SHOC1: variants seen among roughly 807,000 people sequenced by gnomAD.
SHOC1 encodes the protein shortage in chiasmata 1.
A neutral mutation model predicts 179.2 loss-of-function variants in SHOC1; 136 were observed. The observed-to-expected ratio is 0.76, with a 90% CI of 0.66 to 0.87. SHOC1 has a LOEUF of 0.87. Among genes scored for constraint, SHOC1 ranks in the 40% least tolerant of loss-of-function variants. The pLI is 0.00. For missense variants in SHOC1, 1,538 were observed against 1,700.8 expected (o/e 0.90, Z 1.68); for synonymous variants, 489 against 586.6 (o/e 0.83, Z 2.41).
At position 111,759,064 on chromosome 9, in the gene SHOC1, C is replaced by T. The variant is rs185467153; in HGVS notation, c.443-216G>A. 1.3e-5 allele frequency: 17 copies of T among 1,357,224 alleles called. No homozygotes were observed. In the East Asian group the frequency reaches 2.5e-4, roughly 20 times the overall value. 84.1% of individuals were successfully genotyped at this position (1,357,224 alleles called of 1,614,324 possible). A position where few individuals can be genotyped will look rare whatever the true frequency, so the allele number is the denominator to read the frequency against. On this transcript the variant is annotated intron_variant, in intron 5 of 27. Coordinates refer to ENST00000682961, the MANE Select transcript of SHOC1 (RefSeq NM_001378211.1). ...TAAATTTTAGTATTATCTAGGACAC[C>T]GAGGAATAGCCAAATATCCCAAAAG...
chr9:111,765,262 T>G (rs1412662937), intron 5 of SHOC1, among the ~76,000 whole-genome samples: 1 of 152,146 alleles, frequency 6.6e-6, no homozygotes, highest in Non-Finnish European at 1.5e-5. Context: ...ATATTACCTT[T>G]GGCTGAAGAT....
At chr9:111,706,897 T>C in intron 19 of SHOC1, 151 bp from the exon 20 acceptor site, 1 of 456,978 alleles carries the variant, frequency 2.2e-6, no homozygotes, top group South Asian at 5.5e-5. Context: ...GTTGATTTGC[T>C]CTTCAATAGT....
intron 5 of SHOC1, among the ~76,000 whole-genome samples, chr9:111,774,829 T>C (rs901029427): frequency 1.3e-5 from 2 of 152,198 alleles, no homozygotes; most frequent in African/African-American, 2.4e-5. Context: ...TCTTAAATGA[T>C]AGTAATAATC....
At chr9:111,690,104 AG>A (rs1409372924) in intron 27 of SHOC1, among the ~76,000 whole-genome samples, 3 of 134,160 alleles carry the variant, frequency 2.2e-5, no homozygotes, top group African/African-American at 8.8e-5. Context: ...CATAAATATT[AG>A]CTACCATATT....
At chr9:111,689,550 A>C (rs1200945683) in intron 27 of SHOC1, among the ~76,000 whole-genome samples, 1 of 151,804 alleles carries the variant, frequency 6.6e-6, no homozygotes, top group Non-Finnish European at 1.5e-5. Flanking sequence ...TAATTCAAAA[A>C]GTGTTGTATC....
At chr9:111,794,575 C>A (rs1435349518) in intron 1 of SHOC1, among the ~76,000 whole-genome samples, 2 of 152,096 alleles carry the variant, frequency 1.3e-5, no homozygotes, top group Non-Finnish European at 2.9e-5. Context: ...CAGAGCGAGA[C>A]CCTGTCTTAA....
intron 18 of SHOC1, among the ~76,000 whole-genome samples, chr9:111,712,891 C>T (rs1832618323): frequency 6.6e-6 from 1 of 152,140 alleles, no homozygotes. Context: ...ATAACAAATA[C>T]ATATAAACAC....
At chr9:111,762,185 T>C (rs1406538204) in intron 5 of SHOC1, among the ~76,000 whole-genome samples, 1 of 152,136 alleles carries the variant, frequency 6.6e-6, no homozygotes, top group Non-Finnish European at 1.5e-5. Context: ...ATCCCAGCAC[T>C]TTGGAAGGCT....
chr9:111,794,276 C>CT (rs1836548121), intron 1 of SHOC1, among the ~76,000 whole-genome samples: 1 of 83,488 alleles, frequency 1.2e-5, no homozygotes, highest in Non-Finnish European at 2.7e-5. Context: ...TAAAAACCCA[C>CT]TTAAAAAAAA....
chr9:111,693,737 A>C (rs903470639), intron 26 of SHOC1, 62 bp downstream of exon 26: 2 of 1,093,238 alleles, frequency 1.8e-6, no homozygotes, highest in African/African-American at 3.2e-5. Context: ...CTATTGTAAA[A>C]ATAGATACTC....
intron 15 of SHOC1, among the ~76,000 whole-genome samples, chr9:111,720,636 T>C (rs1364163461): frequency 1.3e-5 from 2 of 152,232 alleles, no homozygotes; most frequent in African/African-American, 4.8e-5. Context: ...CCTTCTTTTA[T>C]TTCTTTTTCA....
intron 15 of SHOC1, 53 bp downstream of exon 15, chr9:111,722,356 C>G: frequency 6.7e-7 from 1 of 1,485,094 alleles, no homozygotes; most frequent in Non-Finnish European, 9.0e-7. Flanking sequence ...TAATTTGATA[C>G]AATAATTTCT....
intron 3 of SHOC1, among the ~76,000 whole-genome samples, chr9:111,782,206 CA>C (rs1339191569): frequency 3.3e-5 from 5 of 152,000 alleles, no homozygotes; most frequent in African/African-American, 1.2e-4. Context: ...AGTAAGACTT[CA>C]TATCAAAATA....
chr9:111,771,422 A>T (rs1285125745), intron 5 of SHOC1, among the ~76,000 whole-genome samples: 1 of 152,166 alleles, frequency 6.6e-6, no homozygotes, highest in Non-Finnish European at 1.5e-5. Flanking sequence ...GTGCTTACAC[A>T]CCACAATTAT....
chr9:111,726,238 G>C (rs988004053), intron 13 of SHOC1, among the ~76,000 whole-genome samples: 5 of 152,062 alleles, frequency 3.3e-5, no homozygotes, highest in African/African-American at 1.2e-4. Context: ...TGAATATGTA[G>C]AAATAGAAAA....
chr9:111,740,256 TGACTC>T (rs2131493629), intron 11 of SHOC1, among the ~76,000 whole-genome samples: 1 of 152,298 alleles, frequency 6.6e-6, no homozygotes, highest in African/African-American at 2.4e-5. Context: ...GGATATTTCT[TGACTC>T]TACACTACAT....
intron 8 of SHOC1, among the ~76,000 whole-genome samples, chr9:111,754,534 T>G (rs1834765100): frequency 6.6e-6 from 1 of 152,216 alleles, no homozygotes; most frequent in Admixed American, 6.5e-5. Context: ...GTAGTTACTT[T>G]GGAAAACAGT....
intron 9 of SHOC1, 139 bp downstream of exon 9, chr9:111,747,950 TAAG>T (rs996459164): frequency 2.1e-5 from 11 of 523,946 alleles, no homozygotes; most frequent in South Asian, 7.3e-5. Context: ...AAGGAGCAAA[TAAG>T]AAAAAATGAC....
chr9:111,729,557 A>C (rs895377893), intron 12 of SHOC1, among the ~76,000 whole-genome samples: 7 of 152,228 alleles, frequency 4.6e-5, no homozygotes, highest in African/African-American at 1.7e-4. Context: ...TTTCTGTAGC[A>C]TGTGCTGTTT....
Sources: allele counts gnomAD v4.1 joint callset (sites outside exome capture counted in the v4.1 genomes callset), GRCh38; gene constraint gnomAD v4.1.1; transcripts MANE v1.5; gene names NCBI Gene and HGNC (gene_info 2026-07-23, HGNC 2026-07-21).